The following AQR variants were observed in gnomAD, a reference collection of about 807,000 sequenced individuals.
The protein encoded by AQR is aquarius intron-binding spliceosomal factor.
Under a neutral mutation model 180.5 loss-of-function variants are expected in AQR, and 61 were observed. The ratio of observed to expected loss-of-function variants is 0.34; its 90% CI spans 0.28 to 0.42. The LOEUF (loss-of-function observed/expected upper bound fraction) is 0.42, where lower values mean the gene tolerates loss of function less well. AQR is among the 10% of genes least tolerant of loss of function. The pLI, the probability that AQR is intolerant of heterozygous loss-of-function variation, is 1.00. For missense variants in AQR, 1,281 were observed against 1,798.3 expected (o/e 0.71, Z 5.20); for synonymous variants, 551 against 588.8 (o/e 0.94, Z 0.93).
intron 21 of AQR, 73 bp downstream of exon 21, chr15:34,897,486 A>G: frequency 6.5e-7 from 1 of 1,539,978 alleles, no homozygotes; most frequent in Middle Eastern, 1.8e-4. Flanking sequence ...CAGAAAATTT[A>G]AAAACATTCC....
At chr15:34,933,334 A>T (rs2140493027) in intron 10 of AQR, among the ~76,000 whole-genome samples, 1 of 152,322 alleles carries the variant, frequency 6.6e-6, no homozygotes, top group South Asian at 2.1e-4. Flanking sequence ...TTCTCCAGAC[A>T]AGGAACAGAT....
At chr15:34,946,732 G>A (rs1227593889) in intron 5 of AQR, among the ~76,000 whole-genome samples, 1 of 141,770 alleles carries the variant, frequency 7.1e-6, no homozygotes, top group Admixed American at 6.8e-5. Flanking sequence ...CACCCGGCCA[G>A]CCGCCCCGTC....
In AQR at chr15:34,882,645, G is replaced by T; in HGVS notation, c.3028-6C>A. 1.9e-6 allele frequency: 3 copies of T among 1,592,032 alleles called. No homozygotes were observed. The highest frequency in any genetic ancestry group is 2.6e-6 in the Non-Finnish European group (3 of 1,170,532). On this transcript the variant is annotated splice_region_variant and splice_polypyrimidine_tract_variant and intron_variant, in intron 26 of 34. Transcript: ENST00000156471. ...AATTCAGAGGCTCTGAATTCCTATG[G>T]AAACGAGGAGCAATGAAAGATAATT...
At chr15:34,962,849 A>C (rs140280243) in intron 2 of AQR, among the ~76,000 whole-genome samples, 78 of 152,350 alleles carry the variant, frequency 5.1e-4, no homozygotes, top group Middle Eastern at 6.8e-3. Context: ...TAAAGTAAGA[A>C]ATTTTGGGTA....
chr15:34,870,737 T>C lies in AQR; in HGVS notation c.3768+15A>G, dbSNP rs774648419. On this transcript the variant is annotated intron_variant, in intron 31 of 34. Coordinates refer to ENST00000156471, the MANE Select transcript of AQR (RefSeq NM_014691.3). ...AAATGATGAATAAGAGAACATATTA[T>C]AATTATAAAAGTACCTTGTTTGGTC... is the stretch of plus-strand genomic sequence containing the variant. 1 of 1,602,804 alleles carries C rather than the reference T, an allele frequency of 6.2e-7. No homozygotes were observed. The highest frequency in any genetic ancestry group is 8.5e-7 in the Non-Finnish European group (1 of 1,174,726).
Position 34,915,161 on chromosome 15 carries a change from T to G in AQR, c.1361A>C (p.Lys454Thr). The change falls in exon 16 of 35, where the codon AAA becomes ACA. Residue 454 changes from lysine (K) to threonine (T), a missense_variant. By Grantham distance (78) the Lys-to-Thr change is moderately conservative (BLOSUM62 -1). Around this residue, in one of 9 missense-constraint regions of AQR, gnomAD observed 200 missense variants for 293.4 expected, o/e 0.68. Coordinates refer to ENST00000156471, the MANE Select transcript of AQR (RefSeq NM_014691.3). ...AAGAGTCAAAAACTGCAAATTCAAT[T>G]TGGGAAGAGCAAGACAACCTGAAAA... ...YSGEGCLALPKLNLQFLTLHD... is the reference protein window; with the variant it reads ...YSGEGCLALPTLNLQFLTLHD... The G allele has an allele frequency of 6.3e-7, 1 of 1,599,910 alleles. No homozygotes were observed. The highest frequency in any genetic ancestry group is 8.5e-7 in the Non-Finnish European group (1 of 1,176,254).
intron 3 of AQR, among the ~76,000 whole-genome samples, chr15:34,957,314 A>C (rs1348079557): frequency 6.6e-6 from 1 of 151,792 alleles, no homozygotes; most frequent in East Asian, 1.9e-4. Context: ...GTGCCACCAC[A>C]CCCAGCTGAT....
chr15:34,871,370 G>A (rs1892813959), intron 30 of AQR, among the ~76,000 whole-genome samples: 1 of 152,016 alleles, frequency 6.6e-6, no homozygotes, highest in South Asian at 2.1e-4. Context: ...AGCTGGGCAT[G>A]GTGGTGCATG....
In AQR at chr15:34,952,871, G is replaced by A; in HGVS notation, c.209+14C>T. 1 of 1,464,430 alleles carries A rather than the reference G, an allele frequency of 6.8e-7. No individual in the cohort carries two copies. The highest frequency in any genetic ancestry group is 2.3e-5 in the East Asian group (1 of 43,100). The allele number at this position is 1,464,430 out of a possible 1,614,324, so 90.7% of individuals were successfully genotyped here. A position where few individuals can be genotyped will look rare whatever the true frequency, so the allele number is the denominator to read the frequency against. ...ACATTATCTCTTTCATCAATGGAAT[G>A]CCTTATAACTTACCTAAATTCCAAG... On this transcript the variant is annotated intron_variant, in intron 4 of 34. Coordinates refer to ENST00000156471, the MANE Select transcript of AQR (RefSeq NM_014691.3).
chr15:34,880,497 T>C (rs976541005), intron 27 of AQR, among the ~76,000 whole-genome samples: 1 of 152,120 alleles, frequency 6.6e-6, no homozygotes. Flanking sequence ...AACACAGTTT[T>C]GGGTTGAATT....
chr15:34,918,421 C>CT, intron 14 of AQR, 43 bp from the exon 15 acceptor site: 1 of 1,581,602 alleles, frequency 6.3e-7, no homozygotes, highest in Middle Eastern at 1.7e-4. Flanking sequence ...TTAGAAGCAT[C>CT]TTTTTTCAAT....
chr15:34,913,521 G>A (rs1893530932), intron 16 of AQR, among the ~76,000 whole-genome samples: 1 of 152,106 alleles, frequency 6.6e-6, no homozygotes, highest in South Asian at 2.1e-4. Flanking sequence ...CAGTGTGAAT[G>A]AATTAACTCC....
At position 34,930,354 on chromosome 15, in the gene AQR, T is replaced by A; in HGVS notation, c.918A>T (p.Lys306Asn). 6.2e-7 allele frequency: 1 copy of A among 1,603,784 alleles called. No homozygotes were observed. The highest frequency in any genetic ancestry group is 8.5e-7 in the Non-Finnish European group (1 of 1,171,818). The change falls in exon 12 of 35, where the codon AAA becomes AAT. Residue 306 changes from lysine (K) to asparagine (N), a missense_variant. By Grantham distance (94) the Lys-to-Asn change is moderately conservative. This residue lies in a region of AQR where 404 missense variants were observed against 490.9 expected (regional missense o/e 0.82). Transcript: ENST00000156471. ...CATTAATTTCAAAACCAGTATAGAA[T>A]TTAAGCATGTCCAAAAGCTGAAGAA... ...HLFSQLLDMLKFYTGFEINDQ... is the reference protein window; with the variant it reads ...HLFSQLLDMLNFYTGFEINDQ...
At chr15:34,904,207 T>A (rs930202279) in intron 19 of AQR, 129 bp downstream of exon 19, 2 of 541,546 alleles carry the variant, frequency 3.7e-6, no homozygotes, top group South Asian at 8.6e-5. Context: ...GGATTGCTTA[T>A]AGTAAAAATA....
intron 24 of AQR, 97 bp downstream of exon 24, chr15:34,890,118 A>G: frequency 9.6e-7 from 1 of 1,039,788 alleles, no homozygotes; most frequent in Non-Finnish European, 1.4e-6. Context: ...TTCAGAATTA[A>G]GTTTCAGTAT....
At chr15:34,923,458 A>G (rs1893711528) in intron 13 of AQR, among the ~76,000 whole-genome samples, 2 of 151,960 alleles carry the variant, frequency 1.3e-5, no homozygotes, top group Non-Finnish European at 2.9e-5. Context: ...ATCAAGTCCA[A>G]TTCATCATTT....
intron 9 of AQR, among the ~76,000 whole-genome samples, chr15:34,937,527 G>T (rs1893962046): frequency 6.6e-6 from 1 of 151,746 alleles, no homozygotes; most frequent in Admixed American, 6.6e-5. Context: ...ATATAAATAT[G>T]GTATACCTAT....
chr15:34,900,962 G>T, intron 19 of AQR, 99 bp from the exon 20 acceptor site: 1 of 1,432,074 alleles, frequency 7.0e-7, no homozygotes, highest in Non-Finnish European at 9.3e-7. Context: ...CAGAATTCCC[G>T]AGTGTTTCAG....
chr15:34,928,399 A>G (rs1013817704), intron 12 of AQR, among the ~76,000 whole-genome samples: 5 of 151,910 alleles, frequency 3.3e-5, no homozygotes, highest in African/African-American at 1.2e-4. Flanking sequence ...CTCTGTGTCC[A>G]TGTGTTCTCA....
Sources: allele counts gnomAD v4.1 joint callset (sites outside exome capture counted in the v4.1 genomes callset), GRCh38; gene constraint gnomAD v4.1.1; regional missense constraint gnomAD v4.1.1; transcripts MANE v1.5; gene names NCBI Gene and HGNC (gene_info 2026-07-23, HGNC 2026-07-21).